Variants in BNC2 observed in about 807,000 individuals in gnomAD.
The protein encoded by BNC2 is basonuclin zinc finger protein 2.
BNC2 carries 20 observed loss-of-function variants against 76.3 expected under a neutral mutation model. The ratio of observed to expected loss-of-function variants is 0.26; its 90% confidence interval spans 0.18 to 0.38. BNC2 has a LOEUF of 0.38. Among genes scored for constraint, BNC2 ranks in the 10% least tolerant of loss-of-function variants. The pLI, the probability that BNC2 is intolerant of heterozygous loss-of-function variation, is 1.00. For synonymous variants in BNC2, 582 were observed against 514.8 expected (o/e 1.13, Z -1.77); for missense variants, 1,382 against 1,399.8 (o/e 0.99, Z 0.20).
intron 3 of BNC2, among the ~76,000 whole-genome samples, chr9:16,653,062 G>A (rs1821836578): frequency 6.6e-6 from 1 of 152,038 alleles, no homozygotes; most frequent in Non-Finnish European, 1.5e-5. Context: ...TTACAAACTA[G>A]TATTTTTAGT....
Position 16,418,888 on chromosome 9 carries a change from C to T in BNC2, c.*101G>A, listed in dbSNP as rs1750641832. 7.6e-7 allele frequency: 1 copy of T among 1,318,748 alleles called. No individual in the cohort carries two copies. Among genetic ancestry groups the T allele is most frequent in the Middle Eastern group, 1.9e-4 (1 of 5,178 alleles). The allele number at this position is 1,318,748 out of a possible 1,614,324, so 81.7% of individuals were successfully genotyped here. On this transcript the variant is annotated 3_prime_UTR_variant, in exon 7 of 7. Transcript: ENST00000380672. ...ATACATAAATGCACACACACACACA[C>T]ACACACACACACCCCAAGTACATAA...
intron 1 of BNC2, among the ~76,000 whole-genome samples, chr9:16,743,927 A>C (rs1824923584): frequency 6.6e-6 from 1 of 151,526 alleles, no homozygotes; most frequent in Non-Finnish European, 1.5e-5. Context: ...TTCCCCTACC[A>C]TCTTATACTT....
chr9:16,663,136 T>TG (rs1822162181), intron 3 of BNC2, among the ~76,000 whole-genome samples: 2 of 142,256 alleles, frequency 1.4e-5, no homozygotes, highest in African/African-American at 5.1e-5. Context: ...TACTCTTTTT[T>TG]TTTTTTTTTT....
chr9:16,657,146 G>T (rs953981536), intron 3 of BNC2, among the ~76,000 whole-genome samples: 16 of 152,258 alleles, frequency 1.1e-4, no homozygotes, highest in Admixed American at 2.0e-4. Context: ...CAGGTGGGCA[G>T]TTAACATCAA....
chr9:16,500,631 T>C (rs920752073), intron 5 of BNC2, among the ~76,000 whole-genome samples: 17 of 152,184 alleles, frequency 1.1e-4, no homozygotes, highest in African/African-American at 3.9e-4. Context: ...CTATATGCGC[T>C]TGCAAATTTT....
chr9:16,776,768 T>C (rs981657366), intron 1 of BNC2, among the ~76,000 whole-genome samples: 19 of 152,100 alleles, frequency 1.2e-4, no homozygotes, highest in Non-Finnish European at 2.6e-4. Flanking sequence ...GGAAACAAAT[T>C]AATGAAGTTA....
chr9:16,684,965 G>A (rs759164100), intron 3 of BNC2, among the ~76,000 whole-genome samples: 1 of 151,484 alleles, frequency 6.6e-6, no homozygotes, highest in Admixed American at 6.6e-5. Flanking sequence ...ATCTTCCAAC[G>A]CATGAAGACA....
At chr9:16,658,492 T>G (rs190653241) in intron 3 of BNC2, among the ~76,000 whole-genome samples, 1 of 152,236 alleles carries the variant, frequency 6.6e-6, no homozygotes, top group Non-Finnish European at 1.5e-5. Context: ...TCACCGTGAA[T>G]AGTCCCCATA....
At chr9:16,742,903 C>A (rs1330441886) in intron 1 of BNC2, among the ~76,000 whole-genome samples, 1 of 152,046 alleles carries the variant, frequency 6.6e-6, no homozygotes, top group East Asian at 1.9e-4. Flanking sequence ...GAAATTGTAC[C>A]TGAATGAGAA....
intron 1 of BNC2, among the ~76,000 whole-genome samples, chr9:16,762,246 AGGGAG>A (rs1019809644): frequency 1.3e-5 from 2 of 152,156 alleles, no homozygotes; most frequent in Non-Finnish European, 2.9e-5. Flanking sequence ...ATGAGGTGCA[AGGGAG>A]GAAGTATTTG....
chr9:16,546,365 C>T (rs1818482617), intron 5 of BNC2, among the ~76,000 whole-genome samples: 1 of 152,160 alleles, frequency 6.6e-6, no homozygotes, highest in Admixed American at 6.5e-5. Flanking sequence ...ATCCAGAGCC[C>T]TTTTGCCATC....
intron 3 of BNC2, among the ~76,000 whole-genome samples, chr9:16,682,524 A>C (rs1287545568): frequency 1.3e-5 from 2 of 152,098 alleles, no homozygotes; most frequent in African/African-American, 4.8e-5. Flanking sequence ...ACGGTTAATT[A>C]CAATGCAGAC....
At chr9:16,700,472 C>A (rs936427211) in intron 3 of BNC2, among the ~76,000 whole-genome samples, 4 of 152,154 alleles carry the variant, frequency 2.6e-5, no homozygotes, top group African/African-American at 9.7e-5. Context: ...GATCACACCA[C>A]TGCACTCCAT....
intron 6 of BNC2, among the ~76,000 whole-genome samples, chr9:16,427,439 A>C (rs1333029591): frequency 6.6e-6 from 1 of 152,212 alleles, no homozygotes; most frequent in Non-Finnish European, 1.5e-5. Context: ...GGATACTATC[A>C]TTTACCTCTT....
chr9:16,634,672 T>G (rs947732848), intron 3 of BNC2, among the ~76,000 whole-genome samples: 2 of 151,948 alleles, frequency 1.3e-5, no homozygotes, highest in African/African-American at 4.8e-5. Context: ...TGGCTAATTT[T>G]TTGTATTTTT....
chr9:16,750,716 C>G (rs1252997281), intron 1 of BNC2, among the ~76,000 whole-genome samples: 1 of 152,248 alleles, frequency 6.6e-6, no homozygotes, highest in Non-Finnish European at 1.5e-5. Flanking sequence ...CTGTTTTCAA[C>G]TCTTTGTTAA....
intron 3 of BNC2, among the ~76,000 whole-genome samples, chr9:16,595,520 A>T (rs1820041283): frequency 2.0e-5 from 3 of 152,124 alleles, no homozygotes; most frequent in African/African-American, 7.2e-5. Flanking sequence ...GGAATTTTTC[A>T]AGTGAAACCT....
At chr9:16,811,742 A>G (rs1818061505) in intron 1 of BNC2, among the ~76,000 whole-genome samples, 1 of 152,122 alleles carries the variant, frequency 6.6e-6, no homozygotes. Context: ...CCAAAAACGC[A>G]TTTGCCAAGA....
intron 3 of BNC2, among the ~76,000 whole-genome samples, chr9:16,677,588 C>CAT (rs1433747978): frequency 6.6e-6 from 1 of 151,368 alleles, no homozygotes; most frequent in Non-Finnish European, 1.5e-5. Context: ...AACACACACA[C>CAT]ACACACACAC....
Sources: allele counts gnomAD v4.1 joint callset (sites outside exome capture counted in the v4.1 genomes callset), GRCh38; gene constraint gnomAD v4.1.1; transcripts MANE v1.5; gene names NCBI Gene and HGNC (gene_info 2026-07-23, HGNC 2026-07-21).